Variants in RB1CC1 observed in about 807,000 individuals in gnomAD.
The protein encoded by RB1CC1 is RB1 inducible coiled-coil 1.
Under a neutral mutation model 177.5 loss-of-function variants are expected in RB1CC1, and 46 were observed. The observed-to-expected ratio is 0.26, with a 90% confidence interval of 0.20 to 0.33. The LOEUF (loss-of-function observed/expected upper bound fraction) is 0.33, where lower values mean the gene tolerates loss of function less well. RB1CC1 is among the 10% of genes least tolerant of loss of function. RB1CC1 has a pLI of 1.00. For missense variants in RB1CC1, 1,703 were observed against 1,816.3 expected, an observed-to-expected ratio of 0.94 and a Z score of 1.13; for synonymous variants, 666 against 613.6, an observed-to-expected ratio of 1.09 and a Z score of -1.26.
chr8:52,695,067 G>A (rs1267856652), intron 1 of RB1CC1, among the ~76,000 whole-genome samples: 1 of 152,164 alleles, frequency 6.6e-6, no homozygotes, highest in Non-Finnish European at 1.5e-5. Flanking sequence ...GTTAACAAAT[G>A]TGGAAAATAT....
chr8:52,681,805 T>C (rs1405982289), intron 5 of RB1CC1, among the ~76,000 whole-genome samples: 2 of 152,212 alleles, frequency 1.3e-5, no homozygotes, highest in Admixed American at 6.5e-5. Context: ...AAATGACAAG[T>C]TGACGTTGGG....
rs138373042 is a variant in RB1CC1, at chr8:52,628,083, A to C, written c.4585T>G (p.Phe1529Val). The C allele has an allele frequency of 1.9e-6, 3 of 1,606,154 alleles. No individual in the cohort carries two copies. Residue 1529 changes from phenylalanine to valine, a missense_variant, in exon 22 of 24, where the codon TTT (phenylalanine) becomes GTT (valine). Physicochemically the swap from Phe to Val is conservative, Grantham distance 50 (BLOSUM62 -1). This residue lies in a region of RB1CC1 where 70 missense variants were observed against 118.0 expected (regional missense o/e 0.59). Transcript: ENST00000025008. ...VLFTVSPTLY[F>V]LHSESLPALD... Reference sequence around the variant, plus strand: ...GCAGGTAGAGACTCTGAATGTAGAAAATATAAAGTAGGACTAACAGTAAAT... The same window carrying C: ...GCAGGTAGAGACTCTGAATGTAGAACATATAAAGTAGGACTAACAGTAAAT...
Position 52,664,016 on chromosome 8 carries a change from G to C in RB1CC1, c.1174-2297C>G, listed in dbSNP as rs544125408. ...CAGCATACTAAGAGAAAATGAACCT[G>C]ATGATGTGACCAAGACTTCAAGATC... is the stretch of plus-strand genomic sequence containing the variant. On this transcript the variant is annotated intron_variant, in intron 8 of 23. Transcript: ENST00000025008. Among the ~76,000 whole-genome samples the C allele has an allele frequency of 2.6e-5, 4 of 152,282 alleles. No homozygotes were observed. The South Asian group carries it at 8.3e-4, about 32-fold the overall frequency.
At chr8:52,645,667 T>TA in intron 16 of RB1CC1, 35 bp downstream of exon 16, 1 of 1,585,144 alleles carries the variant, frequency 6.3e-7, no homozygotes, top group Non-Finnish European at 8.6e-7. Context: ...CTACCTTCTT[T>TA]AGTTCTCAAA....
chr8:52,713,193 T>A (rs185028362), intron 1 of RB1CC1, among the ~76,000 whole-genome samples: 1 of 152,374 alleles, frequency 6.6e-6, no homozygotes, highest in South Asian at 2.1e-4. Flanking sequence ...TCTGGCTGAA[T>A]GTCTCGTAGT....
At chr8:52,658,227 A>C in intron 13 of RB1CC1, 103 bp from the exon 14 acceptor site, 1 of 1,241,012 alleles carries the variant, frequency 8.1e-7, no homozygotes, top group East Asian at 2.5e-5. Context: ...GAGCCTTATC[A>C]TTCCTTTTTA....
At position 52,660,801 on chromosome 8, in the gene RB1CC1, A is replaced by C. The variant is rs530908472; in HGVS notation, c.1627+125T>G. On this transcript the variant is annotated intron_variant, in intron 11 of 23. Coordinates refer to ENST00000025008, the MANE Select transcript of RB1CC1 (RefSeq NM_014781.5). ...ATGGATTCAATTCTATACACTTTAAAAGGAATATTTCCTAGATATCAATGG... is the reference window on the plus strand; with the variant it reads ...ATGGATTCAATTCTATACACTTTAACAGGAATATTTCCTAGATATCAATGG... 7 of 1,095,274 alleles carry C rather than the reference A, an allele frequency of 6.4e-6. No individual in the cohort carries two copies. The Admixed American group carries it at 7.9e-5, about 12-fold the overall frequency. 67.8% of individuals were successfully genotyped at this position (1,095,274 alleles called of 1,614,324 possible). A position where few individuals can be genotyped will look rare whatever the true frequency, so the allele number is the denominator to read the frequency against.
At chr8:52,685,010 T>G (rs1319338776) in intron 3 of RB1CC1, among the ~76,000 whole-genome samples, 3 of 151,472 alleles carry the variant, frequency 2.0e-5, no homozygotes, top group Non-Finnish European at 4.4e-5. Context: ...ACCTTTTTTT[T>G]TTTTTTTTTT....
intron 3 of RB1CC1, among the ~76,000 whole-genome samples, chr8:52,685,122 G>C (rs903227998): frequency 2.0e-5 from 3 of 151,066 alleles, no homozygotes; most frequent in African/African-American, 4.9e-5. Flanking sequence ...TCCTGCCTCA[G>C]CCTCCCGATT....
chr8:52,630,500 G>T lies in RB1CC1; in HGVS notation c.4469C>A (p.Ser1490Ter). The T allele has an allele frequency of 6.3e-7, 1 of 1,576,236 alleles. No homozygotes were observed. Among genetic ancestry groups the T allele is most frequent in the Non-Finnish European group, 8.6e-7 (1 of 1,165,258 alleles). Residue 1490 changes from serine to a stop codon, truncating the protein, a stop_gained, in exon 21 of 24, where the codon TCA becomes TAA. Transcript: ENST00000025008. LOFTEE classifies it high-confidence loss of function. ...AATAGCTATCTTTTCAGAATGCCTTGAAGATACTGAAGACATGCTCTGAGA... is the reference window on the plus strand; with the variant it reads ...AATAGCTATCTTTTCAGAATGCCTTTAAGATACTGAAGACATGCTCTGAGA... ...LMSQSMSSVS[S>*]RHSEKIAIRD...
At chr8:52,699,065 C>T (rs1260091828) in intron 1 of RB1CC1, among the ~76,000 whole-genome samples, 1 of 152,052 alleles carries the variant, frequency 6.6e-6, no homozygotes, top group African/African-American at 2.4e-5. Flanking sequence ...CTAACCCTAA[C>T]CCAAAACAAT....
intron 11 of RB1CC1, 52 bp downstream of exon 11, chr8:52,660,874 T>C: frequency 1.0e-5 from 15 of 1,476,906 alleles, no homozygotes; most frequent in East Asian, 4.9e-5. Context: ...TCCAAGCTTA[T>C]AAAAACTTTT....
At chr8:52,698,499 G>C (rs1182988315) in intron 1 of RB1CC1, among the ~76,000 whole-genome samples, 3 of 151,288 alleles carry the variant, frequency 2.0e-5, no homozygotes, top group Non-Finnish European at 4.4e-5. Flanking sequence ...TGTTTTAGTA[G>C]AGACGGGGTT....
intron 1 of RB1CC1, among the ~76,000 whole-genome samples, chr8:52,687,204 T>C (rs1366189383): frequency 2.0e-5 from 3 of 152,170 alleles, no homozygotes; most frequent in Non-Finnish European, 2.9e-5. Flanking sequence ...CAATTCCTCA[T>C]TCCTTAAAAT....
intron 19 of RB1CC1, among the ~76,000 whole-genome samples, chr8:52,635,197 T>C (rs1849041184): frequency 6.6e-6 from 1 of 152,198 alleles, no homozygotes; most frequent in Non-Finnish European, 1.5e-5. Flanking sequence ...AACATTAATA[T>C]GCGTTAGAAA....
chr8:52,642,444 G>A lies in RB1CC1; in HGVS notation c.4244C>T (p.Pro1415Leu). The change falls in exon 18 of 24, where the codon CCT becomes CTT. Residue 1415 changes from proline (P) to leucine (L), a missense_variant. Physicochemically the swap from Pro to Leu is moderately conservative, Grantham distance 98. Transcript: ENST00000025008. ...TAPELYGACA[P>L]ELPGESDRSA... is the part of the protein sequence containing the mutation. ...TCTATCTGATTCACCTGGGAGTTCA[G>A]GTGCACAAGCTCCATAAAGTTCTGG... The A allele has an allele frequency of 6.2e-7, 1 of 1,614,068 alleles. No homozygotes were observed. The highest frequency in any genetic ancestry group is 2.2e-5 in the East Asian group (1 of 44,860).
At chr8:52,704,954 C>T (rs958681465) in intron 1 of RB1CC1, among the ~76,000 whole-genome samples, 14 of 152,110 alleles carry the variant, frequency 9.2e-5, no homozygotes, top group Admixed American at 7.9e-4. Context: ...TTAACACAAG[C>T]CAATTCTAAA....
At chr8:52,711,797 A>C (rs1361549485) in intron 1 of RB1CC1, among the ~76,000 whole-genome samples, 1 of 152,218 alleles carries the variant, frequency 6.6e-6, no homozygotes, top group Non-Finnish European at 1.5e-5. Flanking sequence ...CTCTCATACC[A>C]GTCCAGCTTC....
chr8:52,702,635 G>T (rs1419205232), intron 1 of RB1CC1, among the ~76,000 whole-genome samples: 3 of 152,110 alleles, frequency 2.0e-5, no homozygotes, highest in Non-Finnish European at 4.4e-5. Context: ...AGGATCACTC[G>T]CACCCGGCAG....
Sources: allele counts gnomAD v4.1 joint callset (sites outside exome capture counted in the v4.1 genomes callset), GRCh38; gene constraint gnomAD v4.1.1; regional missense constraint gnomAD v4.1.1; transcripts MANE v1.5; gene names NCBI Gene and HGNC (gene_info 2026-07-23, HGNC 2026-07-21).